HMGN5: variants seen among roughly 807,000 people sequenced by gnomAD.
The protein encoded by HMGN5 is high mobility group nucleosome binding domain 5.
In HMGN5, 4 loss-of-function variants were observed where a neutral mutation model predicts 9.5. That is an observed-to-expected ratio of 0.42 (90% CI 0.21 to 0.96). The LOEUF (loss-of-function observed/expected upper bound fraction) is 0.96, where lower values mean the gene tolerates loss of function less well. Among genes scored for constraint, HMGN5 ranks in the 40% least tolerant of loss-of-function variants. The pLI is 0.30. For missense variants in HMGN5, 192 were observed against 187.5 expected (o/e 1.02, Z -0.14); for synonymous variants, 55 against 57.1 (o/e 0.96, Z 0.16).
intron 1 of HMGN5, among the ~76,000 whole-genome samples, chrX:81,170,157 C>T (rs763004797): frequency 3.4e-4 from 37 of 109,223 alleles, no homozygotes; most frequent in African/African-American, 1.2e-3. Context: ...GATTCCATAG[C>T]TTCTTTTGGC....
chrX:81,162,292 C>T (rs970071735), intron 1 of HMGN5, among the ~76,000 whole-genome samples: 32 of 102,924 alleles, frequency 3.1e-4, no homozygotes, highest in African/African-American at 1.0e-3. Flanking sequence ...ATAGGTTGGA[C>T]TTAAAAGGAT....
At position 81,188,929 on chromosome X, in the gene HMGN5, A is replaced by AT. The variant is rs199702836; in HGVS notation, c.-124+12807dup. On this transcript the variant is annotated intron_variant, in intron 1 of 6. Transcript: ENST00000358130. ...TACACACCACAGTCACAGTGCTACAATTTTTTTTCCTGTGTACTCATTATT... is the reference window on the plus strand; with the variant it reads ...TACACACCACAGTCACAGTGCTACAATTTTTTTTTCCTGTGTACTCATTATT... 6.2e-3 allele frequency among the ~76,000 whole-genome samples: 685 copies of AT among 110,662 alleles called. 24 individuals are homozygous for AT. Among genetic ancestry groups the AT allele is most frequent in the Admixed American group, 0.051 (530 of 10,384 alleles).
rs988801794 is a variant in HMGN5, at chrX:81,134,055, T to A, written c.-123-12383A>T. ...CCAGGAGTACAATAAATGAACGAAT[T>A]TATTAATGATGAAACTATGAATACA... On this transcript the variant is annotated intron_variant, in intron 1 of 6. Transcript: ENST00000358130. Among the ~76,000 whole-genome samples the A allele has an allele frequency of 5.4e-5, 6 of 111,558 alleles. No individual in the cohort carries two copies. The East Asian group carries it at 1.7e-3, about 31-fold the overall frequency.
chrX:81,199,937 G>A (rs1369240949), intron 1 of HMGN5, among the ~76,000 whole-genome samples: 2 of 111,827 alleles, frequency 1.8e-5, no homozygotes, highest in Non-Finnish European at 3.8e-5. Context: ...AGAGTGAACA[G>A]GCAACCTACA....
chrX:81,198,651 G>A (rs1301930763), intron 1 of HMGN5, among the ~76,000 whole-genome samples: 1 of 111,790 alleles, frequency 8.9e-6, no homozygotes, highest in African/African-American at 3.3e-5. Flanking sequence ...AATAGATGCA[G>A]AAAAGGCCTT....
At chrX:81,139,321 G>A (rs1220433038) in intron 1 of HMGN5, among the ~76,000 whole-genome samples, 1 of 111,738 alleles carries the variant, frequency 8.9e-6, no homozygotes, top group African/African-American at 3.3e-5. Context: ...TCAATGAAGG[G>A]TAGTCTTTTC....
intron 1 of HMGN5, among the ~76,000 whole-genome samples, chrX:81,138,988 G>A (rs755644794): frequency 8.9e-6 from 1 of 111,741 alleles, no homozygotes; most frequent in South Asian, 3.7e-4. Flanking sequence ...AAGAAATGGA[G>A]AGACATATCA....
At chrX:81,154,876 G>T (rs1456984344) in intron 1 of HMGN5, among the ~76,000 whole-genome samples, 1 of 108,475 alleles carries the variant, frequency 9.2e-6, no homozygotes, top group African/African-American at 3.4e-5. Context: ...AATAACAAAT[G>T]CTGGTGAGGA....
At chrX:81,167,621 G>A (rs2075414710) in intron 1 of HMGN5, among the ~76,000 whole-genome samples, 2 of 112,044 alleles carry the variant, frequency 1.8e-5, no homozygotes, top group South Asian at 7.4e-4. Flanking sequence ...TAATAGCTTA[G>A]TGGATTAAGA....
At chrX:81,168,644 C>T (rs1178590060) in intron 1 of HMGN5, among the ~76,000 whole-genome samples, 1 of 111,813 alleles carries the variant, frequency 8.9e-6, no homozygotes, top group Non-Finnish European at 1.9e-5. Context: ...GACTTTGCGT[C>T]TCCCCTTTCA....
chrX:81,145,014 C>T (rs765563515), intron 1 of HMGN5, among the ~76,000 whole-genome samples: 8 of 111,694 alleles, frequency 7.2e-5, no homozygotes, highest in Non-Finnish European at 1.1e-4. Context: ...AAGGCCAAAT[C>T]TACGTTTGAT....
intron 1 of HMGN5, among the ~76,000 whole-genome samples, chrX:81,200,112 C>A (rs1054713210): frequency 8.9e-6 from 1 of 112,686 alleles, no homozygotes; most frequent in Non-Finnish European, 1.9e-5. Flanking sequence ...AGCCAACAGA[C>A]ATATGCAAAA....
intron 1 of HMGN5, among the ~76,000 whole-genome samples, chrX:81,170,474 G>T (rs1484019390): frequency 9.0e-6 from 1 of 111,610 alleles, no homozygotes; most frequent in Non-Finnish European, 1.9e-5. Context: ...AAGAAAATAA[G>T]TGTATAAAAG....
intron 1 of HMGN5, among the ~76,000 whole-genome samples, chrX:81,156,213 T>C: frequency 8.9e-6 from 1 of 112,188 alleles, no homozygotes; most frequent in Non-Finnish European, 1.9e-5. Flanking sequence ...GTGGCTGGTA[T>C]CCTCCTGCAA....
chrX:81,194,316 T>C (rs928225461), intron 1 of HMGN5, among the ~76,000 whole-genome samples: 5 of 111,062 alleles, frequency 4.5e-5, no homozygotes, highest in African/African-American at 1.6e-4. Context: ...AAAAATATTT[T>C]ATATATGACT....
At chrX:81,187,016 C>A (rs1450607233) in intron 1 of HMGN5, among the ~76,000 whole-genome samples, 2 of 111,547 alleles carry the variant, frequency 1.8e-5, no homozygotes, top group East Asian at 5.6e-4. Context: ...TCCTAAATTT[C>A]TCTTGTCATT....
chrX:81,161,924 G>A (rs2075398560), intron 1 of HMGN5, among the ~76,000 whole-genome samples: 2 of 111,580 alleles, frequency 1.8e-5, no homozygotes, highest in African/African-American at 6.5e-5. Flanking sequence ...TACTTGGTAA[G>A]TTTGAATACA....
intron 1 of HMGN5, among the ~76,000 whole-genome samples, chrX:81,178,004 C>T (rs996907926): frequency 4.5e-5 from 5 of 111,918 alleles, no homozygotes; most frequent in African/African-American, 1.6e-4. Flanking sequence ...TAAAGATGTT[C>T]TTTGAAACCA....
At chrX:81,148,170 G>T (rs1002199971) in intron 1 of HMGN5, among the ~76,000 whole-genome samples, 1 of 111,933 alleles carries the variant, frequency 8.9e-6, no homozygotes, top group Admixed American at 9.5e-5. Context: ...AACCTGCATA[G>T]CCAAGACAAT....
Sources: gnomAD v4.1 joint callset for allele counts (sites outside exome capture counted in the v4.1 genomes callset) on GRCh38, gnomAD v4.1.1 for gene constraint, MANE v1.5 for transcripts, NCBI Gene and HGNC (gene_info 2026-07-23, HGNC 2026-07-21) for gene names.